CEP131: variants seen among roughly 807,000 people sequenced by gnomAD.
The protein encoded by CEP131 is centrosomal protein 131.
Under a neutral mutation model 136.8 loss-of-function variants are expected in CEP131, and 99 were observed. The observed-to-expected ratio is 0.72, with a 90% CI of 0.62 to 0.86. The LOEUF (loss-of-function observed/expected upper bound fraction) is 0.86, where lower values mean the gene tolerates loss of function less well. Ranked by LOEUF, CEP131 falls within the 40% of genes least tolerant of loss-of-function variation. CEP131 has a pLI of 0.00. For synonymous variants in CEP131, 646 were observed against 612.7 expected, an observed-to-expected ratio of 1.05 and a Z score of -0.80; for missense variants, 1,459 against 1,463.0, an observed-to-expected ratio of 1.00 and a Z score of 0.04.
Position 81,197,044 on chromosome 17 carries a change from C to T in CEP131, c.1659G>A (p.Pro553=), listed in dbSNP as rs748108978. 1.8e-5 allele frequency: 29 copies of T among 1,587,068 alleles called. 1 individual carries two copies. The highest frequency in any genetic ancestry group is 1.7e-4 in the Middle Eastern group (1 of 6,026). ...GCTCCAGGGGCCCCGGCCCCGCCTC[C>T]GGCACCCACCCCTGCAGACACAGCC... ...QLDSQQEGWV[P]EAGPGPLELG... The change falls in exon 14 of 26, where the codon CCG becomes CCA. Residue 553 remains proline (P), a synonymous_variant. Transcript: ENST00000450824.
At chr17:81,212,192 A>G (rs970594965) in intron 2 of CEP131, among the ~76,000 whole-genome samples, 5 of 151,712 alleles carry the variant, frequency 3.3e-5, no homozygotes, top group African/African-American at 1.2e-4. Context: ...GCATGGTGGC[A>G]CGCACCTGTA....
chr17:81,212,723 T>C (rs550456555), intron 2 of CEP131, among the ~76,000 whole-genome samples: 9 of 151,492 alleles, frequency 5.9e-5, no homozygotes, highest in South Asian at 2.1e-4. Flanking sequence ...CAGCAGACGA[T>C]GGGGCCGCAT....
chr17:81,193,357 C>A (rs1311027103), intron 18 of CEP131, among the ~76,000 whole-genome samples: 1 of 152,214 alleles, frequency 6.6e-6, no homozygotes, highest in African/African-American at 2.4e-5. Flanking sequence ...CCAGCCACGA[C>A]AGGCAACAGG....
At chr17:81,202,020 G>GA (rs2061901453) in intron 7 of CEP131, among the ~76,000 whole-genome samples, 1 of 151,536 alleles carries the variant, frequency 6.6e-6, no homozygotes, top group Admixed American at 6.6e-5. Flanking sequence ...AGAATGGTGT[G>GA]AACCCGGGAG....
chr17:81,209,134 G>A (rs2062079213), intron 2 of CEP131, 112 bp from the exon 3 acceptor site: 2 of 783,120 alleles, frequency 2.6e-6, no homozygotes, highest in Admixed American at 2.5e-5. Context: ...GTGGCCCTAG[G>A]GTTACAGGTG....
chr17:81,222,291 G>A (rs1390684216), intron 1 of CEP131, among the ~76,000 whole-genome samples: 5 of 129,160 alleles, frequency 3.9e-5, no homozygotes, highest in African/African-American at 8.1e-5. Context: ...TGGTTCCCAG[G>A]GTGGGCTGAC....
intron 8 of CEP131, 190 bp downstream of exon 8, chr17:81,200,139 C>T: frequency 1.6e-6 from 1 of 617,760 alleles, no homozygotes; most frequent in Non-Finnish European, 2.8e-6. Flanking sequence ...CACCCAGGCC[C>T]TGAGGACCGC....
chr17:81,191,949 A>G (rs919260115), intron 21 of CEP131, among the ~76,000 whole-genome samples: 1 of 152,068 alleles, frequency 6.6e-6, no homozygotes, highest in Non-Finnish European at 1.5e-5. Context: ...CACCCCCCAC[A>G]GAAGGCCCCA....
intron 21 of CEP131, among the ~76,000 whole-genome samples, chr17:81,191,886 G>A (rs2279920): frequency 0.085 from 13,010 of 152,178 alleles, 732 homozygotes; most frequent in African/African-American, 0.16. Flanking sequence ...CTGTAGCCTC[G>A]CGGCGGGCAT....
chr17:81,221,749 C>T (rs2062393460), intron 1 of CEP131, among the ~76,000 whole-genome samples: 1 of 152,210 alleles, frequency 6.6e-6, no homozygotes, highest in African/African-American at 2.4e-5. Context: ...TCCTGAGCAA[C>T]CCCAGCACCT....
chr17:81,197,905 C>G lies in CEP131; in HGVS notation c.1471-17G>C, dbSNP rs2061800322. On this transcript the variant is annotated splice_polypyrimidine_tract_variant and intron_variant, in intron 12 of 25. Coordinates refer to ENST00000450824, the MANE Select transcript of CEP131 (RefSeq NM_014984.4). ...GTCATCCTCCTGTGGGACAGGAGCCCAGCATCGGGGGCTGTCAGGGCAGCC... is the reference window on the plus strand; with the variant it reads ...GTCATCCTCCTGTGGGACAGGAGCCGAGCATCGGGGGCTGTCAGGGCAGCC... 1 of 1,606,060 alleles carries G rather than the reference C, an allele frequency of 6.2e-7. No individual in the cohort carries two copies. Among genetic ancestry groups the G allele is most frequent in the Admixed American group, 1.7e-5 (1 of 59,724 alleles).
intron 10 of CEP131, 114 bp from the exon 11 acceptor site, chr17:81,199,085 G>A (rs2061832677): frequency 9.3e-7 from 1 of 1,074,266 alleles, no homozygotes; most frequent in Non-Finnish European, 1.3e-6. Flanking sequence ...GACCCCAGAA[G>A]CAGAGGAGCC....
chr17:81,190,583 C>A, intron 24 of CEP131, 56 bp downstream of exon 24: 10 of 1,472,194 alleles, frequency 6.8e-6, no homozygotes, highest in Non-Finnish European at 9.0e-6. Flanking sequence ...CTGCAGAGGT[C>A]CTGCCCGCTC....
chr17:81,199,430 G>A lies in CEP131; in HGVS notation c.1143C>T (p.Ser381=), dbSNP rs751790791. The change falls in exon 10 of 26, where the codon TCC becomes TCT. Residue 381 remains serine (S), a synonymous_variant. Coordinates refer to ENST00000450824, the MANE Select transcript of CEP131 (RefSeq NM_014984.4). ...GGTGGGCAGTGCCGCCTGGTGTGGG[G>A]GACAGCTCCTGAGCAGGCTGCCGCA... ...PGMRQPAQEL[S]PTPGGTAHQA... is the part of the protein sequence containing the mutation. 1.8e-5 allele frequency: 29 copies of A among 1,607,612 alleles called. No homozygotes were observed. The South Asian group carries it at 3.2e-4, about 18-fold the overall frequency.
In CEP131 at chr17:81,208,298, C is replaced by A. The variant is rs1462176923; in HGVS notation, c.272+630G>T. ...ACCCGGGGCCCTTGGTGACCCAGAA[C>A]TCAGCCTTCATTAGGTCCACGGCCC... is the stretch of plus-strand genomic sequence containing the variant. On this transcript the variant is annotated intron_variant, in intron 3 of 25. Coordinates refer to ENST00000450824, the MANE Select transcript of CEP131 (RefSeq NM_014984.4). The surrounding 1 kb of genome is among the most constrained non-coding windows in gnomAD (Gnocchi z 5.6). 6.6e-6 allele frequency among the ~76,000 whole-genome samples: 1 copy of A among 152,224 alleles called. No individual in the cohort carries two copies. Among genetic ancestry groups the A allele is most frequent in the Admixed American group, 6.5e-5 (1 of 15,292 alleles).
intron 5 of CEP131, among the ~76,000 whole-genome samples, chr17:81,205,491 A>AG (rs2061990233): frequency 2.1e-5 from 1 of 48,030 alleles, no homozygotes; most frequent in South Asian, 8.4e-4. Flanking sequence ...GGGCAGCGGG[A>AG]GGGGAGGTAG....
At chr17:81,207,513 T>C (rs1298337384) in intron 3 of CEP131, among the ~76,000 whole-genome samples, 2 of 151,804 alleles carry the variant, frequency 1.3e-5, no homozygotes, top group Non-Finnish European at 2.9e-5. Flanking sequence ...TCTTTTCTTT[T>C]TTTTTTTTTT....
chr17:81,197,796 T>C lies in CEP131; in HGVS notation c.1563A>G (p.Leu521=). ...TGATGCTTTGTAGCTTGGCCTCCGA[T>C]AGCAGCGTCCCATCCTCAGGAGGTT... The part of the protein sequence containing the change: ...FPEPPEDGTL[L]SEAKLQSIMS... The change falls in exon 13 of 26, where the codon CTA becomes CTG. Residue 521 remains leucine (L), a synonymous_variant. Coordinates refer to ENST00000450824, the MANE Select transcript of CEP131 (RefSeq NM_014984.4). 9 of 1,613,324 alleles carry C rather than the reference T, an allele frequency of 5.6e-6. No individual in the cohort carries two copies. Among genetic ancestry groups the C allele is most frequent in the Non-Finnish European group, 5.9e-6 (7 of 1,179,948 alleles).
At chr17:81,196,629 A>G in intron 15 of CEP131, 72 bp downstream of exon 15, 5 of 1,528,784 alleles carry the variant, frequency 3.3e-6, no homozygotes, top group Non-Finnish European at 3.5e-6. Context: ...TGGCAGTGGG[A>G]AGCCCCTGGC....
Sources: allele counts gnomAD v4.1 joint callset (sites outside exome capture counted in the v4.1 genomes callset), GRCh38; gene constraint gnomAD v4.1.1; non-coding constraint Gnocchi (gnomAD v3.1); transcripts MANE v1.5; gene names NCBI Gene and HGNC (gene_info 2026-07-23, HGNC 2026-07-21).